The following SHANK2 variants were observed in gnomAD, a reference collection of about 807,000 sequenced individuals.
SHANK2 encodes SH3 and multiple ankyrin repeat domains 2.
In SHANK2, 43 loss-of-function variants were observed where a neutral mutation model predicts 133.7. The observed-to-expected ratio is 0.32, with a 90% CI of 0.25 to 0.41. The LOEUF (loss-of-function observed/expected upper bound fraction) is 0.41, where lower values mean the gene tolerates loss of function less well. Ranked by LOEUF, SHANK2 falls within the 10% of genes least tolerant of loss-of-function variation. SHANK2 has a pLI of 1.00. For synonymous variants in SHANK2, 1,017 were observed against 952.8 expected, an observed-to-expected ratio of 1.07 and a Z score of -1.24; for missense variants, 1,994 against 2,235.8, an observed-to-expected ratio of 0.89 and a Z score of 2.18.
At chr11:70,857,309 T>C (rs185239752) in intron 11 of SHANK2, among the ~76,000 whole-genome samples, 4 of 152,284 alleles carry the variant, frequency 2.6e-5, no homozygotes, top group Admixed American at 1.3e-4. Context: ...AATTGGATAA[T>C]GCACAGGACT....
chr11:71,155,349 A>G (rs1399137084), intron 2 of SHANK2, among the ~76,000 whole-genome samples: 102 of 55,610 alleles, frequency 1.8e-3, no homozygotes, highest in Admixed American at 2.1e-3. Flanking sequence ...GCTCCCAGAG[A>G]GGTGGACCTA....
chr11:70,940,296 G>C (rs1362429390), intron 10 of SHANK2, among the ~76,000 whole-genome samples: 1 of 102,526 alleles, frequency 9.8e-6, no homozygotes, highest in Non-Finnish European at 2.0e-5. Flanking sequence ...CACCAGGCTG[G>C]AGTGCAGTGG....
intron 2 of SHANK2, among the ~76,000 whole-genome samples, chr11:71,179,507 T>G (rs1953512601): frequency 6.6e-6 from 1 of 152,146 alleles, no homozygotes; most frequent in Non-Finnish European, 1.5e-5. Context: ...TCCACCGTAT[T>G]TACATGGGAA....
chr11:70,771,637 G>T (rs1330723817), intron 14 of SHANK2, among the ~76,000 whole-genome samples: 1 of 152,136 alleles, frequency 6.6e-6, no homozygotes, highest in African/African-American at 2.4e-5. Flanking sequence ...GCCACCTGGA[G>T]GAGGGGCGTG....
At chr11:70,862,940 C>G in intron 11 of SHANK2, 1 of 271,332 alleles carries the variant, frequency 3.7e-6, no homozygotes. Flanking sequence ...GGCTCTTGGT[C>G]TCAGCAGGAG....
intron 14 of SHANK2, among the ~76,000 whole-genome samples, chr11:70,773,649 A>G (rs1246977603): frequency 6.6e-6 from 1 of 152,230 alleles, no homozygotes; most frequent in Non-Finnish European, 1.5e-5. Context: ...TTACTTGTAT[A>G]ATAAAGTATT....
At chr11:71,097,791 A>T (rs1202129482) in intron 6 of SHANK2, among the ~76,000 whole-genome samples, 1 of 152,196 alleles carries the variant, frequency 6.6e-6, no homozygotes, top group Non-Finnish European at 1.5e-5. Context: ...AGTGTTTAAG[A>T]CAGCTGCTGC....
intron 6 of SHANK2, 26 bp from the exon 7 acceptor site, chr11:71,094,714 T>G (rs1555095015): frequency 6.5e-7 from 1 of 1,546,118 alleles, no homozygotes; most frequent in East Asian, 2.5e-5. Context: ...ACACACACTT[T>G]AGAACCAACA....
At chr11:70,789,128 G>A (rs563318616) in intron 14 of SHANK2, among the ~76,000 whole-genome samples, 1 of 152,220 alleles carries the variant, frequency 6.6e-6, no homozygotes, top group African/African-American at 2.4e-5. Context: ...ACAGTCCATG[G>A]GAAGAGAGCT....
rs61478034 is a variant in SHANK2 at position 70,808,670 on chromosome 11, G to A, written c.1494-1499C>T. ...GGATTGCTTGTGGCCAGGAGGTCGC[G>A]GCTGCAGTGAGCCATGATTGTGCCA... On this transcript the variant is annotated intron_variant, in intron 12 of 25. Coordinates refer to ENST00000601538, the MANE Select transcript of SHANK2 (RefSeq NM_012309.5). Among the ~76,000 whole-genome samples, 1,345 of 151,872 alleles carry A rather than the reference G, an allele frequency of 8.9e-3. 13 individuals carry two copies. The highest frequency in any genetic ancestry group is 0.031 in the African/African-American group (1,266 of 41,390).
intron 2 of SHANK2, among the ~76,000 whole-genome samples, chr11:71,198,154 G>A (rs1195953050): frequency 5.9e-5 from 9 of 152,002 alleles, no homozygotes; most frequent in Admixed American, 5.9e-4. Flanking sequence ...TCACTATGTT[G>A]CCCAGGTTGG....
chr11:71,220,051 CCCCCACCCA>C (rs1954504187), intron 2 of SHANK2, among the ~76,000 whole-genome samples: 5 of 151,868 alleles, frequency 3.3e-5, no homozygotes, highest in Non-Finnish European at 2.9e-5. Flanking sequence ...TAGTGAGACC[CCCCCACCCA>C]TCTCTACAAA....
intron 15 of SHANK2, among the ~76,000 whole-genome samples, chr11:70,664,949 G>A (rs1555014480): frequency 6.6e-6 from 1 of 152,124 alleles, no homozygotes; most frequent in African/African-American, 2.4e-5. Context: ...TGGAGGCCGT[G>A]GAGTCGTGCA....
chr11:71,079,278 G>A (rs1021102919), intron 8 of SHANK2, among the ~76,000 whole-genome samples: 24 of 152,208 alleles, frequency 1.6e-4, no homozygotes, highest in Non-Finnish European at 3.2e-4. Context: ...AGGGAAGCCC[G>A]AGGGAGTCTC....
chr11:70,767,599 C>T (rs1555041696), intron 14 of SHANK2, among the ~76,000 whole-genome samples: 1 of 151,944 alleles, frequency 6.6e-6, no homozygotes, highest in African/African-American at 2.4e-5. Context: ...TGAAGGATGC[C>T]AGTCACAAAG....
chr11:70,826,124 G>A (rs1555057173), intron 11 of SHANK2, among the ~76,000 whole-genome samples: 1 of 152,148 alleles, frequency 6.6e-6, no homozygotes, highest in African/African-American at 2.4e-5. Flanking sequence ...GCAGCCCTCT[G>A]GTCACTGAGG....
chr11:70,647,911 A>T (rs1555008973), intron 17 of SHANK2, among the ~76,000 whole-genome samples: 1 of 152,064 alleles, frequency 6.6e-6, no homozygotes, highest in East Asian at 1.9e-4. Context: ...CAGCAATTCC[A>T]CTCCTAGGTA....
At chr11:70,700,710 G>A (rs894455463) in intron 14 of SHANK2, among the ~76,000 whole-genome samples, 7 of 152,170 alleles carry the variant, frequency 4.6e-5, no homozygotes, top group African/African-American at 7.2e-5. Context: ...AGCCAGGCCC[G>A]TGCCTCGACT....
At chr11:70,668,913 C>G (rs1944737755) in intron 15 of SHANK2, 1 of 152,338 alleles carries the variant, frequency 6.6e-6, no homozygotes, top group South Asian at 2.1e-4. Flanking sequence ...TCTAGGGACA[C>G]AGCTTGGCGG....
Sources: gnomAD v4.1 joint callset for allele counts (sites outside exome capture counted in the v4.1 genomes callset) on GRCh38, gnomAD v4.1.1 for gene constraint, MANE v1.5 for transcripts, NCBI Gene and HGNC (gene_info 2026-07-23, HGNC 2026-07-21) for gene names.